Variants in KIF24 observed in about 807,000 individuals in gnomAD.
The protein encoded by KIF24 is kinesin family member 24, also known as kinesin-like protein KIF24.
KIF24 carries 81 observed loss-of-function variants against 118.9 expected under a neutral mutation model. That is an observed-to-expected ratio of 0.68 (90% CI 0.57 to 0.82). KIF24 has a LOEUF of 0.82. Among genes scored for constraint, KIF24 ranks in the 40% least tolerant of loss-of-function variants. The pLI is 0.00. For missense variants in KIF24, 1,560 were observed against 1,661.6 expected (o/e 0.94, Z 1.06); for synonymous variants, 599 against 610.0 (o/e 0.98, Z 0.27).
chr9:34,313,469 A>G (rs776513658), intron 1 of KIF24, among the ~76,000 whole-genome samples: 3 of 135,690 alleles, frequency 2.2e-5, no homozygotes, highest in Non-Finnish European at 4.7e-5. Context: ...TTTTAAAACA[A>G]GTTTTTTAGA....
At chr9:34,312,512 C>T (rs547208586) in intron 1 of KIF24, among the ~76,000 whole-genome samples, 19 of 152,276 alleles carry the variant, frequency 1.2e-4, no homozygotes, top group Non-Finnish European at 2.4e-4. Context: ...AGTGGTACAA[C>T]TTTCCTGTTT....
intron 2 of KIF24, among the ~76,000 whole-genome samples, chr9:34,309,042 C>T (rs1464657648): frequency 6.6e-6 from 1 of 152,116 alleles, no homozygotes; most frequent in Non-Finnish European, 1.5e-5. Flanking sequence ...GACTGCACCA[C>T]TGCACTCCAG....
chr9:34,262,497 T>C (rs971111382), intron 9 of KIF24, among the ~76,000 whole-genome samples: 29 of 150,880 alleles, frequency 1.9e-4, no homozygotes, highest in African/African-American at 7.1e-4. Flanking sequence ...CCTTTGAGCA[T>C]AATGGCACTC....
intron 1 of KIF24, among the ~76,000 whole-genome samples, chr9:34,326,976 T>C (rs748721014): frequency 2.0e-5 from 3 of 152,130 alleles, no homozygotes; most frequent in Non-Finnish European, 4.4e-5. Flanking sequence ...GGAAAAAATG[T>C]TTCCTTTCAT....
chr9:34,329,518 C>T (rs1837812238), upstream of KIF24: 1 of 152,240 alleles, frequency 6.6e-6, no homozygotes, highest in Non-Finnish European at 1.5e-5. Context: ...ATTGATGGGC[C>T]CAAGCGTAAC....
At chr9:34,312,567 A>C (rs570263456) in intron 1 of KIF24, among the ~76,000 whole-genome samples, 21 of 152,358 alleles carry the variant, frequency 1.4e-4, no homozygotes, top group African/African-American at 4.8e-4. Flanking sequence ...GAAACAGAGA[A>C]AGAGGTGAGG....
chr9:34,254,469 T>TG lies in KIF24; in HGVS notation c.4017dup (p.Lys1340GlnfsTer24). 1 of 1,613,960 alleles carries TG rather than the reference T, an allele frequency of 6.2e-7. No individual in the cohort carries two copies. Among genetic ancestry groups the TG allele is most frequent in the East Asian group, 2.2e-5 (1 of 44,880 alleles). ...TGGCTCCTCAGACTCTGGATACACT[T>TG]GGATTTCAGAACCATGATTTCATCC... On this transcript the variant is annotated frameshift_variant, in exon 13 of 13. Transcript: ENST00000402558. LOFTEE classifies it high-confidence loss of function.
chr9:34,318,945 C>G lies in KIF24; in HGVS notation c.-25-7574G>C. On this transcript the variant is annotated intron_variant, in intron 1 of 12. Transcript: ENST00000402558. This position sits in a 1 kb window ranked among gnomAD's most constrained non-coding sequence, Gnocchi z 4.9. ...ATCCACGAGTGGGCCGTGCAGACCA[C>G]CGACGGCAAGCTGCCCAAGGTCACC... 6 of 1,522,408 alleles carry G rather than the reference C, an allele frequency of 3.9e-6. No homozygotes were observed. The highest frequency in any genetic ancestry group is 5.4e-6 in the Non-Finnish European group (6 of 1,102,926). 94.3% of individuals were successfully genotyped at this position (1,522,408 alleles called of 1,614,324 possible).
Position 34,310,766 on chromosome 9 carries a change from T to A in KIF24, c.581A>T (p.His194Leu), listed in dbSNP as rs764765032. ...CDIPIIQRISHVSGYNYGIPH... is the reference protein window; with the variant it reads ...CDIPIIQRISLVSGYNYGIPH... ...GATTCCATAGTTATACCCTGAAACA[T>A]GAGAGATTCTTTGAATAATGGGAAT... The change falls in exon 2 of 13, where the codon CAT (histidine) becomes CTT (leucine). Residue 194 changes from histidine to leucine, a missense_variant. Physicochemically the swap from His to Leu is moderately conservative, Grantham distance 99. Around this residue, in one of 3 missense-constraint regions of KIF24, gnomAD observed 964 missense variants for 988.0 expected, o/e 0.98. Coordinates refer to ENST00000402558, the MANE Select transcript of KIF24 (RefSeq NM_194313.4). 6.2e-7 allele frequency: 1 copy of A among 1,610,758 alleles called. No homozygotes were observed. The highest frequency in any genetic ancestry group is 1.3e-5 in the African/African-American group (1 of 74,838).
At chr9:34,320,230 T>C (rs1837469024) in intron 1 of KIF24, among the ~76,000 whole-genome samples, 1 of 151,964 alleles carries the variant, frequency 6.6e-6, no homozygotes, top group Admixed American at 6.6e-5. Flanking sequence ...TGTTTCTTTT[T>C]TAGTTCTTCA....
At chr9:34,262,675 A>AAT (rs1428160924) in intron 9 of KIF24, among the ~76,000 whole-genome samples, 306 of 27,036 alleles carry the variant, frequency 0.011, 3 homozygotes, top group East Asian at 0.027. Flanking sequence ...AAAAAAAAAA[A>AAT]ATATATATAT....
At chr9:34,289,667 T>C (rs1836178704) in intron 5 of KIF24, among the ~76,000 whole-genome samples, 1 of 152,224 alleles carries the variant, frequency 6.6e-6, no homozygotes. Context: ...TAAATTACTA[T>C]ATTATGTTGC....
intron 3 of KIF24, among the ~76,000 whole-genome samples, chr9:34,305,494 G>A (rs563684433): frequency 6.6e-6 from 1 of 152,196 alleles, no homozygotes; most frequent in South Asian, 2.1e-4. Flanking sequence ...AGAATGAGAA[G>A]TTCACACTGT....
rs986131234 is a variant in KIF24, at chr9:34,253,487, C to T, written c.*893G>A. ...GCACTCTGTTCAACTGCCAAGGTTC[C>T]CAACACAGACCCCTGAGAGGCAGGG... On this transcript the variant is annotated 3_prime_UTR_variant, in exon 13 of 13. Coordinates refer to ENST00000402558, the MANE Select transcript of KIF24 (RefSeq NM_194313.4). 2.0e-5 allele frequency: 3 copies of T among 152,240 alleles called. No homozygotes were observed. The highest frequency in any genetic ancestry group is 7.2e-5 in the African/African-American group (3 of 41,432). 9.4% of individuals were successfully genotyped at this position (152,240 alleles called of 1,614,324 possible). A position where few individuals can be genotyped will look rare whatever the true frequency, so the allele number is the denominator to read the frequency against.
intron 3 of KIF24, among the ~76,000 whole-genome samples, chr9:34,303,574 G>A (rs1412664126): frequency 1.3e-5 from 2 of 152,192 alleles, no homozygotes; most frequent in African/African-American, 2.4e-5. Flanking sequence ...GTCAGGCCAG[G>A]CGTGGTGGCT....
chr9:34,283,937 T>G (rs1835946113), intron 6 of KIF24, among the ~76,000 whole-genome samples: 1 of 152,120 alleles, frequency 6.6e-6, no homozygotes, highest in Admixed American at 6.6e-5. Context: ...ATATACTGCT[T>G]GTAGGAATGC....
intron 3 of KIF24, among the ~76,000 whole-genome samples, chr9:34,302,807 CCT>C (rs1357019532): frequency 2.0e-5 from 3 of 146,662 alleles, no homozygotes; most frequent in African/African-American, 5.0e-5. Flanking sequence ...ACGGAGTCTC[CCT>C]CTCTCTCCCA....
At chr9:34,299,160 ATAATAG>A (rs1231432271) in intron 3 of KIF24, among the ~76,000 whole-genome samples, 1 of 152,018 alleles carries the variant, frequency 6.6e-6, no homozygotes. Flanking sequence ...CTATACGTAT[ATAATAG>A]TAATATATAT....
chr9:34,304,229 CTTCT>C (rs1425656822), intron 3 of KIF24, among the ~76,000 whole-genome samples: 2 of 152,150 alleles, frequency 1.3e-5, no homozygotes, highest in Non-Finnish European at 2.9e-5. Flanking sequence ...CCTACCTTTT[CTTCT>C]TTCTATTTGA....
Sources: gnomAD v4.1 joint callset for allele counts (sites outside exome capture counted in the v4.1 genomes callset) on GRCh38, gnomAD v4.1.1 for gene constraint, gnomAD v4.1.1 regional missense constraint, Gnocchi (gnomAD v3.1) non-coding constraint, MANE v1.5 for transcripts, NCBI Gene and HGNC (gene_info 2026-07-23, HGNC 2026-07-21) for gene names.